WDR41: variants seen among roughly 807,000 people sequenced by gnomAD.
WDR41 encodes the protein WD repeat domain 41.
Under a neutral mutation model 69.3 loss-of-function variants are expected in WDR41, and 63 were observed. The ratio of observed to expected loss-of-function variants is 0.91; its 90% confidence interval spans 0.74 to 1.12. The LOEUF (loss-of-function observed/expected upper bound fraction) is 1.12. WDR41 is among the 50% of genes most tolerant of loss of function. WDR41 has a pLI of 0.00. For missense variants in WDR41, 543 were observed against 534.5 expected, an observed-to-expected ratio of 1.02 and a Z score of -0.16; for synonymous variants, 185 against 192.1, an observed-to-expected ratio of 0.96 and a Z score of 0.31.
chr5:77,604,673 T>C (rs958335469), intron 1 of WDR41, among the ~76,000 whole-genome samples: 3 of 152,132 alleles, frequency 2.0e-5, no homozygotes, highest in Non-Finnish European at 4.4e-5. Context: ...TTCAGGCACA[T>C]GAAATGATAA....
At chr5:77,457,231 C>A (rs1799869282) in intron 5 of WDR41, among the ~76,000 whole-genome samples, 1 of 152,124 alleles carries the variant, frequency 6.6e-6, no homozygotes, top group South Asian at 2.1e-4. Context: ...TTAAACTAAG[C>A]TTATTCCAGG....
chr5:77,441,118 A>G, intron 8 of WDR41, 121 bp from the exon 9 acceptor site: 1 of 987,190 alleles, frequency 1.0e-6, no homozygotes, highest in Non-Finnish European at 1.4e-6. Flanking sequence ...TGAGGTACCT[A>G]GGCAAGCCAA....
At position 77,437,362 on chromosome 5, in the gene WDR41, T is replaced by G. The variant is rs1263112556; in HGVS notation, c.1067A>C (p.Gln356Pro). The change falls in exon 11 of 13, where the codon CAG becomes CCG. Residue 356 changes from glutamine to proline, a missense_variant. Coordinates refer to ENST00000296679, the MANE Select transcript of WDR41 (RefSeq NM_018268.4). ...VRIWELREKQ[Q>P]LAAEPVPTGF... ...TGTTGGTACAGGCTCAGCTGCAAGC[T>G]GCTGTTTTTCTCTTAACTCCCAAAT... is the stretch of plus-strand genomic sequence containing the variant. 1.2e-6 allele frequency: 2 copies of G among 1,613,968 alleles called. No individual in the cohort carries two copies. The highest frequency in any genetic ancestry group is 2.2e-5 in the South Asian group (2 of 91,084).
intron 2 of WDR41, among the ~76,000 whole-genome samples, chr5:77,465,126 T>G (rs1046767123): frequency 6.6e-6 from 1 of 152,158 alleles, no homozygotes; most frequent in Non-Finnish European, 1.5e-5. Flanking sequence ...GAAACCAAGC[T>G]GACAAGTGCC....
chr5:77,608,286 A>C (rs575311961), intron 1 of WDR41, among the ~76,000 whole-genome samples: 1 of 152,308 alleles, frequency 6.6e-6, no homozygotes, highest in East Asian at 1.9e-4. Flanking sequence ...TTCCATTGTA[A>C]AATGTTGATA....
At chr5:77,437,508 G>A in intron 10 of WDR41, 84 bp from the exon 11 acceptor site, 1 of 1,131,168 alleles carries the variant, frequency 8.8e-7, no homozygotes, top group East Asian at 2.4e-5. Context: ...AATCAGTGGA[G>A]CCCTCAACTG....
chr5:77,451,634 A>G lies in WDR41; in HGVS notation c.524-281T>C, dbSNP rs148321898. On this transcript the variant is annotated intron_variant, in intron 6 of 12. Transcript: ENST00000296679. ...TTGTGATAAAGTGGTAGATTCAGCA[A>G]TTCACACTTATTTACCAGGGATCCC... is the stretch of plus-strand genomic sequence containing the variant. 1.9e-3 allele frequency: 544 copies of G among 285,288 alleles called. 6 individuals are homozygous for G. The highest frequency in any genetic ancestry group is 0.011 in the African/African-American group (509 of 45,012). The allele number at this position is 285,288 out of a possible 1,614,324, so 17.7% of individuals were successfully genotyped here.
chr5:77,582,561 G>A, intron 1 of WDR41: 1 of 1,599,630 alleles, frequency 6.3e-7, no homozygotes, highest in African/African-American at 1.3e-5. Context: ...AGGAATATAG[G>A]CAAATGTACA....
chr5:77,572,265 G>A (rs1437220611), intron 1 of WDR41, among the ~76,000 whole-genome samples: 1 of 152,168 alleles, frequency 6.6e-6, no homozygotes, highest in Non-Finnish European at 1.5e-5. Context: ...AAAGAGAAAA[G>A]TACTCAGAAA....
chr5:77,467,829 C>CA (rs1800371055), intron 2 of WDR41, among the ~76,000 whole-genome samples: 1 of 151,948 alleles, frequency 6.6e-6, no homozygotes, highest in South Asian at 2.1e-4. Context: ...TATACTACCA[C>CA]AAAAAATAGA....
intron 1 of WDR41, among the ~76,000 whole-genome samples, chr5:77,584,435 A>T (rs1171120309): frequency 2.6e-5 from 4 of 152,228 alleles, no homozygotes; most frequent in Non-Finnish European, 5.9e-5. Context: ...CCTTGCAAAG[A>T]AATATTCAAA....
In WDR41 at chr5:77,449,877, G is replaced by GA; in HGVS notation, c.587-8dup. On this transcript the variant is annotated splice_region_variant and splice_polypyrimidine_tract_variant and intron_variant, in intron 7 of 12. Transcript: ENST00000296679. ...GCTACCAACCTGAAAATTACTAAAT[G>GA]AAAAAGACAGATAAAATTTTATTAC... 2 of 1,564,928 alleles carry GA rather than the reference G, an allele frequency of 1.3e-6. No homozygotes were observed. The highest frequency in any genetic ancestry group is 3.4e-4 in the Middle Eastern group (2 of 5,952).
At chr5:77,531,221 A>G (rs1802525110) in intron 1 of WDR41, among the ~76,000 whole-genome samples, 1 of 151,974 alleles carries the variant, frequency 6.6e-6, no homozygotes, top group Non-Finnish European at 1.5e-5. Context: ...AAAAGACAAC[A>G]TACAGAATGG....
chr5:77,583,111 A>G, intron 1 of WDR41: 11 of 1,508,486 alleles, frequency 7.3e-6, no homozygotes, highest in South Asian at 5.6e-5. Flanking sequence ...GCTTACTAGA[A>G]GAATGAACTA....
intron 1 of WDR41, among the ~76,000 whole-genome samples, chr5:77,564,970 AAATT>A (rs2112263502): frequency 6.6e-6 from 1 of 152,258 alleles, no homozygotes; most frequent in African/African-American, 2.4e-5. Flanking sequence ...TGTGTCATTC[AAATT>A]TAAATAGTCC....
intron 3 of WDR41, among the ~76,000 whole-genome samples, chr5:77,463,933 T>A (rs1441418348): frequency 6.6e-6 from 1 of 151,938 alleles, no homozygotes; most frequent in African/African-American, 2.4e-5. Context: ...TCAGACTAGA[T>A]AACAATCCAA....
intron 8 of WDR41, among the ~76,000 whole-genome samples, chr5:77,448,536 C>T (rs531639615): frequency 1.5e-4 from 23 of 152,114 alleles, no homozygotes; most frequent in African/African-American, 5.3e-4. Flanking sequence ...CTCTGTGTCC[C>T]TCGCTCCCCT....
rs1240268350 is a variant in WDR41, at chr5:77,542,692, C to A, written c.43-53120G>T. Among the ~76,000 whole-genome samples the A allele has an allele frequency of 2.6e-5, 4 of 152,014 alleles. 1 individual carries two copies. The highest frequency in any genetic ancestry group is 9.7e-5 in the African/African-American group (4 of 41,394). ...ATAGTACTGGAAGTCCTAGCCAGAG[C>A]AATCAGACAAGAGAAATAAATAAAA... On this transcript the variant is annotated intron_variant, in intron 1 of 5. Transcript: ENST00000509971.
chr5:77,469,530 A>G (rs1800466772), intron 2 of WDR41, among the ~76,000 whole-genome samples: 1 of 152,186 alleles, frequency 6.6e-6, no homozygotes, highest in African/African-American at 2.4e-5. Flanking sequence ...TGGTAAGACC[A>G]TTTCATAAGC....
Sources: allele counts gnomAD v4.1 joint callset (sites outside exome capture counted in the v4.1 genomes callset), GRCh38; gene constraint gnomAD v4.1.1; transcripts MANE v1.5; gene names NCBI Gene and HGNC (gene_info 2026-07-23, HGNC 2026-07-21).